The following KAT14 variants were observed in gnomAD, a reference collection of about 807,000 sequenced individuals.
KAT14 encodes the protein cysteine-rich protein 2-binding protein.
Under a neutral mutation model 78.4 loss-of-function variants are expected in KAT14, and 66 were observed. The ratio of observed to expected loss-of-function variants is 0.84; its 90% CI spans 0.69 to 1.03. KAT14 has a LOEUF of 1.03. Ranked by LOEUF, KAT14 falls within the 50% of genes least tolerant of loss-of-function variation. KAT14 has a pLI of 0.00. For synonymous variants in KAT14, 344 were observed against 359.4 expected, an observed-to-expected ratio of 0.96 and a Z score of 0.48; for missense variants, 870 against 972.5, an observed-to-expected ratio of 0.89 and a Z score of 1.40.
At chr20:18,138,394 C>T (rs919026648) in intron 1 of KAT14, 39 of 1,040,344 alleles carry the variant, frequency 3.7e-5, no homozygotes, top group East Asian at 7.6e-5. Context: ...ACAGCCGGCC[C>T]GCAGGGTGCG....
At chr20:18,145,939 T>G (rs535422313) in intron 3 of KAT14, among the ~76,000 whole-genome samples, 1 of 152,336 alleles carries the variant, frequency 6.6e-6, no homozygotes, top group African/African-American at 2.4e-5. Context: ...AAAACTATTT[T>G]TTTAAAGTGG....
chr20:18,145,459 A>C (rs948756405), intron 3 of KAT14, 108 bp downstream of exon 3: 1 of 1,465,250 alleles, frequency 6.8e-7, no homozygotes, highest in African/African-American at 1.4e-5. Context: ...TTGGAGGGGC[A>C]CTTTTTATTT....
intron 5 of KAT14, among the ~76,000 whole-genome samples, chr20:18,160,070 T>C (rs2038362005): frequency 6.6e-6 from 1 of 152,188 alleles, no homozygotes; most frequent in East Asian, 1.9e-4. Flanking sequence ...AGCTAATATT[T>C]TTGTATTTTT....
At chr20:18,175,469 A>C (rs2039003681) in intron 7 of KAT14, among the ~76,000 whole-genome samples, 1 of 151,012 alleles carries the variant, frequency 6.6e-6, no homozygotes, top group South Asian at 2.1e-4. Context: ...TGCCCTCTCT[A>C]CTCTGCTGCC....
At chr20:18,140,944 G>A (rs2037525690) in intron 1 of KAT14, among the ~76,000 whole-genome samples, 1 of 148,440 alleles carries the variant, frequency 6.7e-6, no homozygotes, top group Admixed American at 6.7e-5. Context: ...TGCAGCCTGT[G>A]CCTCCCAGGC....
chr20:18,178,298 C>T (rs1337144621), intron 7 of KAT14, among the ~76,000 whole-genome samples: 1 of 152,138 alleles, frequency 6.6e-6, no homozygotes, highest in African/African-American at 2.4e-5. Flanking sequence ...GAATGTTAAT[C>T]CCCAAGACAA....
Position 18,150,863 on chromosome 20 carries a change from G to A in KAT14, c.421G>A (p.Gly141Arg), listed in dbSNP as rs2038009273. 6.2e-7 allele frequency: 1 copy of A among 1,614,076 alleles called. No individual in the cohort carries two copies. Among genetic ancestry groups the A allele is most frequent in the South Asian group, 1.1e-5 (1 of 91,078 alleles). ...AMYNLSLEGSGRQGYFRWKED... is the reference protein window; with the variant it reads ...AMYNLSLEGSRRQGYFRWKED... ...GTACAACTTGTCTCTGGAAGGAAGT[G>A]GACGTCAAGGTTATTTCAGGTGGAA... The change falls in exon 4 of 11, where the codon GGA (glycine) becomes AGA (arginine). Residue 141 changes from glycine to arginine, a missense_variant. Transcript: ENST00000688188.
At chr20:18,145,107 A>T in intron 2 of KAT14, 126 bp from the exon 3 acceptor site, 1 of 1,427,152 alleles carries the variant, frequency 7.0e-7, no homozygotes, top group Non-Finnish European at 9.2e-7. Flanking sequence ...CCATTTTGCA[A>T]TTGTGGGTTG....
In KAT14 at chr20:18,183,124, C is replaced by T. The variant is rs777510807; in HGVS notation, c.1807C>T (p.Arg603Cys). Residue 603 changes from arginine to cysteine, a missense_variant and splice_region_variant, in exon 9 of 11, where the codon CGT (arginine) becomes TGT (cysteine). Coordinates refer to ENST00000688188, the MANE Select transcript of KAT14 (RefSeq NM_001392073.1). ...TSRILKPYIR[R>C]DYETKPPKLQ... ...TGTTTATCTTCTGTGGTACCGGAGG[C>T]GTGATTATGAAACAAAGCCACCCAA... 5.6e-6 allele frequency: 9 copies of T among 1,604,072 alleles called. No individual in the cohort carries two copies. The highest frequency in any genetic ancestry group is 2.2e-5 in the East Asian group (1 of 44,658).
At chr20:18,174,626 C>T (rs1362838315) in intron 7 of KAT14, among the ~76,000 whole-genome samples, 1 of 150,148 alleles carries the variant, frequency 6.7e-6, no homozygotes, top group Non-Finnish European at 1.5e-5. Flanking sequence ...CCTGTAATAG[C>T]TTGTTTAGTT....
At chr20:18,161,549 A>G (rs1359911400) in intron 5 of KAT14, among the ~76,000 whole-genome samples, 1 of 152,202 alleles carries the variant, frequency 6.6e-6, no homozygotes, top group Non-Finnish European at 1.5e-5. Flanking sequence ...TTGAGTAGTT[A>G]TTTTAAAATT....
intron 4 of KAT14, among the ~76,000 whole-genome samples, chr20:18,156,409 T>G (rs1449196001): frequency 2.6e-5 from 4 of 152,248 alleles, no homozygotes; most frequent in African/African-American, 9.6e-5. Flanking sequence ...TTTACCACAA[T>G]AATAATTTTG....
rs1284117820 is a variant in KAT14 at position 18,184,800 on chromosome 20, G to A, written c.2172+8G>A. ...ATCTATCATCTGATTCAGGTAAGTT[G>A]TCTATGTTTATGATTTATCACCTGT... On this transcript the variant is annotated splice_region_variant and intron_variant, in intron 10 of 10. Transcript: ENST00000688188. 4 of 1,597,618 alleles carry A rather than the reference G, an allele frequency of 2.5e-6. No individual in the cohort carries two copies. The South Asian group carries it at 3.4e-5, about 13-fold the overall frequency.
At chr20:18,163,434 G>A (rs1050440522) in intron 7 of KAT14, among the ~76,000 whole-genome samples, 6 of 152,150 alleles carry the variant, frequency 3.9e-5, no homozygotes, top group Non-Finnish European at 7.4e-5. Flanking sequence ...GATGCTTCTG[G>A]GAACAATTAA....
rs750573354 is a variant in KAT14, at chr20:18,138,403, C to T, written c.-454+352C>T. 3.8e-3 allele frequency: 3,859 copies of T among 1,024,828 alleles called. 10 individuals are homozygous for T. Among genetic ancestry groups the T allele is most frequent in the Non-Finnish European group, 4.2e-3 (3,638 of 856,102 alleles). 63.5% of individuals were successfully genotyped at this position (1,024,828 alleles called of 1,614,324 possible). A position where few individuals can be genotyped will look rare whatever the true frequency, so the allele number is the denominator to read the frequency against. ...CAAGTCACAGCCGGCCCGCAGGGTG[C>T]GGACCTTTCCACATCTCACTTGGGC... On this transcript the variant is annotated intron_variant, in intron 1 of 10. Transcript: ENST00000688188.
chr20:18,139,725 A>G (rs1043918638), intron 1 of KAT14, among the ~76,000 whole-genome samples: 14 of 151,352 alleles, frequency 9.2e-5, no homozygotes, highest in African/African-American at 3.4e-4. Flanking sequence ...CTTACATTGT[A>G]TTAATAGCAG....
In KAT14 at chr20:18,142,939, CTTTGA is replaced by C; in HGVS notation, c.259+25_259+29del. The C allele has an allele frequency of 3.1e-6, 5 of 1,608,624 alleles. No individual in the cohort carries two copies. The highest frequency in any genetic ancestry group is 1.1e-5 in the South Asian group (1 of 90,956). ...CAGCCAGTAAGGAGCTTCTCAATTC[CTTTGA>C]TTTGTCAATTCCTGTGTGAAGGTTT... On this transcript the variant is annotated intron_variant, in intron 2 of 10. Transcript: ENST00000688188.
At chr20:18,139,454 A>G (rs989519688) in intron 1 of KAT14, among the ~76,000 whole-genome samples, 18 of 152,176 alleles carry the variant, frequency 1.2e-4, no homozygotes, top group African/African-American at 2.7e-4. Context: ...AGTTTTTACA[A>G]TGTGACTAAG....
At chr20:18,144,884 C>T (rs1812703646) in intron 2 of KAT14, among the ~76,000 whole-genome samples, 1 of 152,104 alleles carries the variant, frequency 6.6e-6, no homozygotes, top group Non-Finnish European at 1.5e-5. Context: ...GTTCCTAGCC[C>T]AGTGCCTGGT....
Sources: gnomAD v4.1 joint callset for allele counts (sites outside exome capture counted in the v4.1 genomes callset) on GRCh38, gnomAD v4.1.1 for gene constraint, MANE v1.5 for transcripts, NCBI Gene and HGNC (gene_info 2026-07-23, HGNC 2026-07-21) for gene names.